GIGYF2: variants seen among roughly 807,000 people sequenced by gnomAD.
GIGYF2 encodes the protein GRB10-interacting GYF protein 2.
A neutral mutation model predicts 208.1 loss-of-function variants in GIGYF2; 25 were observed. The observed-to-expected ratio is 0.12, with a 90% CI of 0.09 to 0.17. GIGYF2 has a LOEUF of 0.17. GIGYF2 is among the 10% of genes least tolerant of loss of function. GIGYF2 has a pLI of 1.00. For synonymous variants in GIGYF2, 534 were observed against 543.8 expected (o/e 0.98, Z 0.25); for missense variants, 1,302 against 1,579.4 (o/e 0.82, Z 2.98).
At chr2:232,843,244 C>T (rs530233008) in intron 23 of GIGYF2, among the ~76,000 whole-genome samples, 7 of 149,992 alleles carry the variant, frequency 4.7e-5, no homozygotes, top group African/African-American at 1.7e-4. Context: ...CTGTGCTTAA[C>T]CAAAAGCCTA....
intron 18 of GIGYF2, 24 bp downstream of exon 18, chr2:232,812,515 G>C: frequency 1.2e-6 from 1 of 850,832 alleles, no homozygotes; most frequent in African/African-American, 1.7e-5. Flanking sequence ...TTAACCTTTA[G>C]TACCACTCTG....
intron 2 of GIGYF2, among the ~76,000 whole-genome samples, chr2:232,727,012 T>C (rs141264868): frequency 2.8e-4 from 42 of 152,340 alleles, no homozygotes; most frequent in African/African-American, 9.6e-4. Context: ...TTGCCCAGGC[T>C]GGAGTGCAGT....
At chr2:232,778,913 T>G (rs188036378) in intron 8 of GIGYF2, among the ~76,000 whole-genome samples, 5 of 152,324 alleles carry the variant, frequency 3.3e-5, no homozygotes, top group Non-Finnish European at 4.4e-5. Context: ...ATAAGGTTAA[T>G]CTTCCCTGAT....
chr2:232,798,694 C>G (rs1349263242), intron 14 of GIGYF2, among the ~76,000 whole-genome samples: 1 of 152,042 alleles, frequency 6.6e-6, no homozygotes, highest in Non-Finnish European at 1.5e-5. Flanking sequence ...TTTGCATGTT[C>G]TTACTGGCCA....
At chr2:232,815,488 T>A in intron 18 of GIGYF2, 149 bp from the exon 19 acceptor site, 1 of 690,994 alleles carries the variant, frequency 1.4e-6, no homozygotes, top group Non-Finnish European at 2.7e-6. Flanking sequence ...TAGAGTCCAT[T>A]GGCAGTTCAG....
intron 21 of GIGYF2, 128 bp downstream of exon 21, chr2:232,820,113 C>A: frequency 3.4e-6 from 3 of 876,672 alleles, no homozygotes; most frequent in Non-Finnish European, 5.5e-6. Flanking sequence ...CAAAAGAAAC[C>A]TAACTGGCTC....
At chr2:232,828,395 T>A (rs1701316103) in intron 21 of GIGYF2, among the ~76,000 whole-genome samples, 1 of 151,598 alleles carries the variant, frequency 6.6e-6, no homozygotes, top group African/African-American at 2.4e-5. Context: ...TGGTTCAGTA[T>A]ATGTCTTGTC....
chr2:232,805,799 A>G (rs1700544506), intron 14 of GIGYF2, among the ~76,000 whole-genome samples: 1 of 152,156 alleles, frequency 6.6e-6, no homozygotes, highest in Non-Finnish European at 1.5e-5. Context: ...TAGAGGAGGA[A>G]TAGGGAAAAG....
At chr2:232,822,558 G>C (rs188957699) in intron 21 of GIGYF2, among the ~76,000 whole-genome samples, 1 of 152,302 alleles carries the variant, frequency 6.6e-6, no homozygotes. Flanking sequence ...GCGTGCGCCT[G>C]TAATCCCAGT....
intron 8 of GIGYF2, among the ~76,000 whole-genome samples, chr2:232,780,049 A>T (rs774961812): frequency 3.9e-5 from 6 of 151,964 alleles, no homozygotes; most frequent in Non-Finnish European, 7.4e-5. Context: ...CCATAATTCC[A>T]CTTTTGCTTG....
intron 8 of GIGYF2, chr2:232,768,846 T>C (rs145004975): frequency 6.4e-7 from 1 of 1,567,570 alleles, no homozygotes; most frequent in South Asian, 1.1e-5. Flanking sequence ...TTTTTTAGAA[T>C]GAAGACTTTA....
At chr2:232,742,755 A>T (rs2106306234) in intron 3 of GIGYF2, among the ~76,000 whole-genome samples, 1 of 152,314 alleles carries the variant, frequency 6.6e-6, no homozygotes, top group South Asian at 2.1e-4. Context: ...GTAGAAGGTG[A>T]GGAGTAAAGT....
At chr2:232,803,346 T>TA (rs1016397483) in intron 14 of GIGYF2, among the ~76,000 whole-genome samples, 3 of 152,244 alleles carry the variant, frequency 2.0e-5, no homozygotes, top group African/African-American at 7.2e-5. Flanking sequence ...ATCCAATAGA[T>TA]AAATGTTTTT....
intron 8 of GIGYF2, chr2:232,764,529 A>T (rs1698871267): frequency 6.6e-6 from 1 of 152,388 alleles, no homozygotes. Flanking sequence ...AGGAGACAAG[A>T]TTGTGGACAG....
At chr2:232,814,970 G>C (rs1308095422) in intron 18 of GIGYF2, among the ~76,000 whole-genome samples, 2 of 152,192 alleles carry the variant, frequency 1.3e-5, no homozygotes, top group Non-Finnish European at 2.9e-5. Context: ...AATGAACTCA[G>C]AAACCATTAT....
chr2:232,748,157 AAAACC>A (rs1272388139), intron 4 of GIGYF2, among the ~76,000 whole-genome samples: 1 of 152,270 alleles, frequency 6.6e-6, no homozygotes, highest in Non-Finnish European at 1.5e-5. Flanking sequence ...CAGTGGAGAC[AAAACC>A]TTAAAATGTA....
intron 2 of GIGYF2, among the ~76,000 whole-genome samples, chr2:232,714,087 C>T (rs150205401): frequency 0.022 from 3,282 of 151,966 alleles, 125 homozygotes; most frequent in African/African-American, 0.075. Flanking sequence ...GTAGCTGGGA[C>T]TACAGGCACC....
In GIGYF2 at chr2:232,806,829, T is replaced by G. The variant is rs13401578; in HGVS notation, c.1806+172T>G. Among the ~76,000 whole-genome samples, 22,078 of 152,170 alleles carry G rather than the reference T, an allele frequency of 0.15. 1,659 individuals carry two copies. Among genetic ancestry groups the G allele is most frequent in the Non-Finnish European group, 0.16 (10,897 of 67,980 alleles). The stretch of plus-strand genomic sequence containing the variant: ...GACTGAATACTTAGCTATAATGATC[T>G]TTTCAAAACTCGAATAACCTGTGCC... On this transcript the variant is annotated intron_variant, in intron 15 of 28. Coordinates refer to ENST00000373563, the MANE Select transcript of GIGYF2 (RefSeq NM_001103146.3). The surrounding 1 kb of genome is among the most constrained non-coding windows in gnomAD (Gnocchi z 4.0).
At chr2:232,737,534 G>A (rs77275289) in intron 3 of GIGYF2, among the ~76,000 whole-genome samples, 3,107 of 152,230 alleles carry the variant, frequency 0.02, 126 homozygotes, top group African/African-American at 0.071. Context: ...GGCAAAGGGA[G>A]TATATGAGGC....
Sources: gnomAD v4.1 joint callset for allele counts (sites outside exome capture counted in the v4.1 genomes callset) on GRCh38, gnomAD v4.1.1 for gene constraint, Gnocchi (gnomAD v3.1) non-coding constraint, MANE v1.5 for transcripts, NCBI Gene and HGNC (gene_info 2026-07-23, HGNC 2026-07-21) for gene names.